The following TAFA5 variants were observed in gnomAD, a reference collection of about 807,000 sequenced individuals.
TAFA5 encodes the protein TAFA chemokine like family member 5.
In TAFA5, 6 loss-of-function variants were observed where a neutral mutation model predicts 15.3. The observed-to-expected ratio is 0.39, with a 90% CI of 0.21 to 0.77. TAFA5 has a LOEUF of 0.77. Among genes scored for constraint, TAFA5 ranks in the 30% least tolerant of loss-of-function variants. The pLI is 0.41. For missense variants in TAFA5, 161 were observed against 193.1 expected (o/e 0.83, Z 0.98); for synonymous variants, 103 against 80.7 (o/e 1.28, Z -1.48).
rs964727528 is a variant in TAFA5 at position 48,648,915 on chromosome 22, AC to A, written c.262+2173del. ...CCCTTGATCCTCCAAAGCCAGATAG[AC>A]CCCTCTAGGGGTTCTCAGCAGAGTC... On this transcript the variant is annotated intron_variant, in intron 2 of 3. Transcript: ENST00000402357. 3.0e-4 allele frequency among the ~76,000 whole-genome samples: 46 copies of A among 152,262 alleles called. 1 individual carries two copies. The Middle Eastern group carries it at 0.01, about 34-fold the overall frequency.
chr22:48,531,185 G>T (rs907366711), intron 1 of TAFA5, among the ~76,000 whole-genome samples: 1 of 152,134 alleles, frequency 6.6e-6, no homozygotes, highest in Non-Finnish European at 1.5e-5. Flanking sequence ...GAGCTGAGCG[G>T]CCCCTGGCCA....
At chr22:48,559,623 G>A (rs1923157348) in intron 1 of TAFA5, among the ~76,000 whole-genome samples, 1 of 152,092 alleles carries the variant, frequency 6.6e-6, no homozygotes, top group African/African-American at 2.4e-5. Context: ...TTCTGGGGCA[G>A]TCAAGCCTTG....
chr22:48,631,279 G>T (rs1926217165), intron 1 of TAFA5, among the ~76,000 whole-genome samples: 1 of 152,182 alleles, frequency 6.6e-6, no homozygotes, highest in Non-Finnish European at 1.5e-5. Context: ...AGGAGCTGCA[G>T]CCCACCCAGG....
chr22:48,661,028 A>G (rs756674420), intron 2 of TAFA5, among the ~76,000 whole-genome samples: 11 of 152,254 alleles, frequency 7.2e-5, no homozygotes, highest in Admixed American at 2.6e-4. Flanking sequence ...CAGCTCCACT[A>G]TTATGGAGCC....
intron 1 of TAFA5, among the ~76,000 whole-genome samples, chr22:48,629,365 G>T (rs1031080931): frequency 1.3e-5 from 2 of 152,208 alleles, no homozygotes; most frequent in African/African-American, 4.8e-5. Flanking sequence ...GCACCCCGGG[G>T]CTTTGGGAAT....
chr22:48,649,679 C>T (rs1375984575), intron 2 of TAFA5, among the ~76,000 whole-genome samples: 1 of 152,012 alleles, frequency 6.6e-6, no homozygotes, highest in African/African-American at 2.4e-5. Context: ...TCTCCCACAG[C>T]CACAGCCCTC....
intron 1 of TAFA5, among the ~76,000 whole-genome samples, chr22:48,600,363 C>T (rs140516892): frequency 4.2e-4 from 64 of 152,306 alleles, no homozygotes; most frequent in East Asian, 2.9e-3. Flanking sequence ...CTCCTACTTG[C>T]GCAGGTCCAG....
intron 3 of TAFA5, among the ~76,000 whole-genome samples, chr22:48,745,883 T>C (rs1404798568): frequency 6.6e-6 from 1 of 152,172 alleles, no homozygotes; most frequent in East Asian, 1.9e-4. Context: ...GAGGCCTCGC[T>C]TCACCACACA....
At chr22:48,573,265 C>T (rs912462757) in intron 1 of TAFA5, among the ~76,000 whole-genome samples, 5 of 152,242 alleles carry the variant, frequency 3.3e-5, no homozygotes, top group African/African-American at 1.2e-4. Flanking sequence ...GTTCCCACCA[C>T]AGTTTTTTCT....
intron 3 of TAFA5, among the ~76,000 whole-genome samples, chr22:48,730,725 A>G (rs1234265648): frequency 2.6e-5 from 4 of 152,322 alleles, no homozygotes; most frequent in Non-Finnish European, 4.4e-5. Context: ...ACCACAAACC[A>G]TGCCCGTGTA....
chr22:48,599,635 G>C (rs1303781596), intron 1 of TAFA5, among the ~76,000 whole-genome samples: 1 of 152,246 alleles, frequency 6.6e-6, no homozygotes, highest in African/African-American at 2.4e-5. Context: ...GCATTTGCAG[G>C]GGCCACCTCC....
intron 3 of TAFA5, among the ~76,000 whole-genome samples, chr22:48,712,500 G>A (rs971270570): frequency 2.0e-5 from 3 of 152,232 alleles, no homozygotes; most frequent in Admixed American, 1.3e-4. Context: ...GTGAGCGCCC[G>A]GTGACAAAGC....
intron 3 of TAFA5, among the ~76,000 whole-genome samples, chr22:48,718,768 C>T (rs1929481315): frequency 6.6e-6 from 1 of 152,210 alleles, no homozygotes; most frequent in African/African-American, 2.4e-5. Flanking sequence ...CGCCCCCCAA[C>T]CTTCCAGTCC....
intron 2 of TAFA5, among the ~76,000 whole-genome samples, chr22:48,688,128 AT>A (rs2147235739): frequency 6.6e-6 from 1 of 150,534 alleles, no homozygotes; most frequent in African/African-American, 2.4e-5. Flanking sequence ...CTCTCATCTA[AT>A]TTGATGACCC....
At chr22:48,662,753 G>A (rs1927489458) in intron 2 of TAFA5, among the ~76,000 whole-genome samples, 2 of 152,208 alleles carry the variant, frequency 1.3e-5, no homozygotes, top group African/African-American at 4.8e-5. Context: ...AGGTCACCAG[G>A]GAAACTGAGG....
At chr22:48,507,772 G>A (rs992449198) in intron 1 of TAFA5, among the ~76,000 whole-genome samples, 6 of 152,146 alleles carry the variant, frequency 3.9e-5, no homozygotes, top group East Asian at 1.9e-4. Flanking sequence ...GAGGGTGGCC[G>A]TGTGAGGAGC....
At chr22:48,694,194 A>G (rs1392109307) in intron 2 of TAFA5, among the ~76,000 whole-genome samples, 2 of 152,230 alleles carry the variant, frequency 1.3e-5, no homozygotes, top group African/African-American at 4.8e-5. Flanking sequence ...GGTAGAAATC[A>G]ATAATAAAAT....
chr22:48,665,525 T>C (rs1161429698), intron 2 of TAFA5, among the ~76,000 whole-genome samples: 1 of 141,676 alleles, frequency 7.1e-6, no homozygotes, highest in Non-Finnish European at 1.5e-5. Flanking sequence ...ATCACACAGT[T>C]GGGTCTACCA....
intron 1 of TAFA5, among the ~76,000 whole-genome samples, chr22:48,533,677 C>T (rs974839823): frequency 7.2e-5 from 11 of 152,196 alleles, no homozygotes; most frequent in Admixed American, 4.6e-4. Context: ...TTTCCCAACT[C>T]GAGGCCACCC....
Sources: allele counts gnomAD v4.1 joint callset (sites outside exome capture counted in the v4.1 genomes callset), GRCh38; gene constraint gnomAD v4.1.1; transcripts MANE v1.5; gene names NCBI Gene and HGNC (gene_info 2026-07-23, HGNC 2026-07-21).